CACNA1D: variants seen among roughly 807,000 people sequenced by gnomAD.
The protein encoded by CACNA1D is calcium voltage-gated channel subunit alpha1 D, also known as voltage-dependent L-type calcium channel subunit alpha-1D.
A neutral mutation model predicts 257.1 loss-of-function variants in CACNA1D; 55 were observed. The ratio of observed to expected loss-of-function variants is 0.21; its 90% CI spans 0.17 to 0.27. The LOEUF (loss-of-function observed/expected upper bound fraction) is 0.27, where lower values mean the gene tolerates loss of function less well. Ranked by LOEUF, CACNA1D falls within the 10% of genes least tolerant of loss-of-function variation. CACNA1D has a pLI of 1.00. For missense variants in CACNA1D, 1,876 were observed against 2,784.0 expected (o/e 0.67, Z 7.34); for synonymous variants, 980 against 1,014.9 (o/e 0.97, Z 0.65).
intron 3 of CACNA1D, among the ~76,000 whole-genome samples, chr3:53,540,952 G>T (rs559808159): frequency 6.6e-6 from 1 of 152,092 alleles, no homozygotes; most frequent in Admixed American, 6.5e-5. Flanking sequence ...ATGTTGGCCC[G>T]GCTGGTCTTG....
At chr3:53,769,689 T>A (rs1162093672) in intron 30 of CACNA1D, among the ~76,000 whole-genome samples, 34 of 152,224 alleles carry the variant, frequency 2.2e-4, no homozygotes, top group Admixed American at 2.2e-3. Context: ...ACACTCTGCA[T>A]CTGTTGAGGT....
chr3:53,659,520 T>C (rs1402617742), intron 4 of CACNA1D, among the ~76,000 whole-genome samples: 1 of 152,218 alleles, frequency 6.6e-6, no homozygotes, highest in Non-Finnish European at 1.5e-5. Flanking sequence ...ATGTGTCAGA[T>C]ACTGTAATAG....
chr3:53,641,321 C>A (rs2093947606), intron 3 of CACNA1D, among the ~76,000 whole-genome samples: 2 of 152,170 alleles, frequency 1.3e-5, no homozygotes, highest in African/African-American at 4.8e-5. Flanking sequence ...GCTGCTCCAT[C>A]CTCTCCGCCC....
chr3:53,578,536 T>G (rs1270626282), intron 3 of CACNA1D, among the ~76,000 whole-genome samples: 3 of 152,116 alleles, frequency 2.0e-5, no homozygotes, highest in Non-Finnish European at 4.4e-5. Context: ...GAGGCAGCCT[T>G]CATCTTTCCT....
chr3:53,606,949 T>C (rs1413110253), intron 3 of CACNA1D, among the ~76,000 whole-genome samples: 1 of 152,248 alleles, frequency 6.6e-6, no homozygotes, highest in African/African-American at 2.4e-5. Context: ...TGTAATCTTC[T>C]GTGTGCATCA....
intron 9 of CACNA1D, among the ~76,000 whole-genome samples, chr3:53,708,251 T>C (rs2094713012): frequency 6.6e-6 from 1 of 152,266 alleles, no homozygotes; most frequent in African/African-American, 2.4e-5. Context: ...CAAAACTGCT[T>C]TCATCACCAT....
At chr3:53,612,327 G>A (rs1050794077) in intron 3 of CACNA1D, among the ~76,000 whole-genome samples, 2 of 152,134 alleles carry the variant, frequency 1.3e-5, no homozygotes, top group South Asian at 2.1e-4. Context: ...TTTAAAGAAT[G>A]TGTAATTTGT....
chr3:53,512,447 G>A (rs1340315428), intron 3 of CACNA1D, among the ~76,000 whole-genome samples: 4 of 152,232 alleles, frequency 2.6e-5, no homozygotes, highest in East Asian at 3.9e-4. Context: ...AGGTTAGACC[G>A]CCTGGTTTTG....
At chr3:53,775,336 G>A (rs968521325) in intron 34 of CACNA1D, among the ~76,000 whole-genome samples, 1 of 152,130 alleles carries the variant, frequency 6.6e-6, no homozygotes, top group Admixed American at 6.5e-5. Flanking sequence ...CAGCACTTTG[G>A]GAAGCTGAGG....
chr3:53,513,636 T>G (rs1219589529), intron 3 of CACNA1D, among the ~76,000 whole-genome samples: 2 of 152,020 alleles, frequency 1.3e-5, no homozygotes, highest in Non-Finnish European at 2.9e-5. Flanking sequence ...TCTGAAAAAA[T>G]AAAAATAAGT....
Position 53,800,581 on chromosome 3 carries a change from C to G in CACNA1D, c.5040+216C>G. 3.2e-6 allele frequency: 2 copies of G among 617,718 alleles called. No individual in the cohort carries two copies. The highest frequency in any genetic ancestry group is 3.4e-5 in the South Asian group (2 of 57,990). The allele number at this position is 617,718 out of a possible 1,614,324, so 38.3% of individuals were successfully genotyped here. ...GGCCAGCTCTTTCCCTGAGCTTACCCAGCTTCCCCTCACTGCCTGCTTCTG... is the reference window on the plus strand; with the variant it reads ...GGCCAGCTCTTTCCCTGAGCTTACCGAGCTTCCCCTCACTGCCTGCTTCTG... On this transcript the variant is annotated intron_variant, in intron 41 of 47. Coordinates refer to ENST00000350061, the MANE Select transcript of CACNA1D (RefSeq NM_001128840.3). The surrounding 1 kb of genome is among the most constrained non-coding windows in gnomAD (Gnocchi z 4.3).
intron 3 of CACNA1D, among the ~76,000 whole-genome samples, chr3:53,546,398 G>C (rs1264175248): frequency 6.6e-6 from 1 of 152,032 alleles, no homozygotes; most frequent in Admixed American, 6.5e-5. Context: ...AAACCAAACT[G>C]TCCAGACTTT....
intron 7 of CACNA1D, among the ~76,000 whole-genome samples, chr3:53,667,478 A>G (rs2094278842): frequency 6.6e-6 from 1 of 152,240 alleles, no homozygotes; most frequent in Non-Finnish European, 1.5e-5. Flanking sequence ...TTAAAAGGAA[A>G]TTAGTAATAA....
chr3:53,691,704 TATATAATATATATATTACATATATA>T (rs1175015480), intron 8 of CACNA1D, among the ~76,000 whole-genome samples: 5 of 55,422 alleles, frequency 9.0e-5, no homozygotes, highest in Non-Finnish European at 1.7e-4. Flanking sequence ...ATATATTACA[TATATAATATATATATTACATATATA>T]ATATATATAT....
intron 3 of CACNA1D, among the ~76,000 whole-genome samples, chr3:53,577,378 G>C (rs2093055937): frequency 6.6e-6 from 1 of 152,154 alleles, no homozygotes; most frequent in African/African-American, 2.4e-5. Flanking sequence ...GTCTCTGTTT[G>C]GCTTTCTCCT....
Position 53,673,052 on chromosome 3 carries a change from C to T in CACNA1D, c.1146C>T (p.Pro382=). Residue 382 remains proline (P), a synonymous_variant, in exon 8 of 48, where the codon CCC becomes CCT. Transcript: ENST00000350061. The surrounding 1 kb of genome is among the most constrained non-coding windows in gnomAD (Gnocchi z 4.1). ...ATGATGCTATGGGATTTGAATTGCC[C>T]TGGGTGTATTTTGTCAGTCTCGTCA... is the stretch of plus-strand genomic sequence containing the variant. ...WMNDAMGFEL[P]WVYFVSLVIF... 6.4e-7 allele frequency: 1 copy of T among 1,551,958 alleles called. No homozygotes were observed.
chr3:53,802,034 C>A, intron 42 of CACNA1D, 113 bp from the exon 43 acceptor site: 1 of 924,348 alleles, frequency 1.1e-6, no homozygotes, highest in Non-Finnish European at 1.8e-6. Context: ...GATGGCGAAT[C>A]ATAATTTGCT....
In CACNA1D at chr3:53,738,084, C is replaced by T. The variant is rs183863699; in HGVS notation, c.2752-2196C>T. ...GCAGTTTCAGGTTATTACCAAGAAA[C>T]CCGACCAGCAGAGGGAGGCTGGCGA... is the stretch of plus-strand genomic sequence containing the variant. On this transcript the variant is annotated intron_variant, in intron 20 of 47. Transcript: ENST00000350061. Among the ~76,000 whole-genome samples, 90 of 152,300 alleles carry T rather than the reference C, an allele frequency of 5.9e-4. 1 individual carries two copies. The East Asian group carries it at 0.015, about 25-fold the overall frequency.
Position 53,801,278 on chromosome 3 carries a change from C to A in CACNA1D, c.5261C>A (p.Thr1754Lys), listed in dbSNP as rs1295073545. 4 of 1,614,176 alleles carry A rather than the reference C, an allele frequency of 2.5e-6. No individual in the cohort carries two copies. In the Admixed American group the frequency reaches 6.7e-5, roughly 27 times the overall value. ...ATAGGAAAGCAAGTTCCCACCTCAA[C>A]AAATGCCAATCTCAATAATGCCAAT... ...NSIGKQVPTSTNANLNNANMS... is the reference protein window; with the variant it reads ...NSIGKQVPTSKNANLNNANMS... The change falls in exon 42 of 48, where the codon ACA becomes AAA. Residue 1754 changes from threonine (T) to lysine (K), a missense_variant. Thr to Lys is a moderately conservative substitution (Grantham distance 78). This residue lies in a region of CACNA1D where 491 missense variants were observed against 554.3 expected (regional missense o/e 0.89). Coordinates refer to ENST00000350061, the MANE Select transcript of CACNA1D (RefSeq NM_001128840.3).
Sources: gnomAD v4.1 joint callset for allele counts (sites outside exome capture counted in the v4.1 genomes callset) on GRCh38, gnomAD v4.1.1 for gene constraint, gnomAD v4.1.1 regional missense constraint, Gnocchi (gnomAD v3.1) non-coding constraint, MANE v1.5 for transcripts, NCBI Gene and HGNC (gene_info 2026-07-23, HGNC 2026-07-21) for gene names.